The following CNTNAP4 variants were observed in gnomAD, a reference collection of about 807,000 sequenced individuals.
CNTNAP4 encodes the protein contactin associated protein family member 4.
A neutral mutation model predicts 148.4 loss-of-function variants in CNTNAP4; 98 were observed. That is an observed-to-expected ratio of 0.66 (90% CI 0.56 to 0.78). The LOEUF is 0.78. CNTNAP4 is among the 30% of genes least tolerant of loss of function. The pLI, the probability that CNTNAP4 is intolerant of heterozygous loss-of-function variation, is 0.00. For synonymous variants in CNTNAP4, 730 were observed against 565.1 expected (o/e 1.29, Z -4.14); for missense variants, 1,935 against 1,565.6 (o/e 1.24, Z -3.98).
intron 1 of CNTNAP4, among the ~76,000 whole-genome samples, chr16:76,311,726 C>T (rs537952559): frequency 1.1e-4 from 17 of 152,126 alleles, no homozygotes; most frequent in Middle Eastern, 3.4e-3. Context: ...TCAACATACC[C>T]AGCTGCATTT....
chr16:76,364,253 A>C (rs1013187105), intron 3 of CNTNAP4, among the ~76,000 whole-genome samples: 4 of 150,994 alleles, frequency 2.6e-5, no homozygotes, highest in South Asian at 2.1e-4. Context: ...AAAAAAAAAA[A>C]AAAAAACAGA....
intron 2 of CNTNAP4, among the ~76,000 whole-genome samples, chr16:76,329,454 C>A (rs944164296): frequency 2.0e-5 from 3 of 152,164 alleles, no homozygotes; most frequent in Admixed American, 2.0e-4. Context: ...TGTTCCCGTG[C>A]ACTATCTCCT....
At chr16:76,301,059 A>C (rs1959910231) in intron 1 of CNTNAP4, among the ~76,000 whole-genome samples, 1 of 152,076 alleles carries the variant, frequency 6.6e-6, no homozygotes. Flanking sequence ...GGAAATTATA[A>C]CTTACAGACA....
chr16:76,345,824 C>T (rs765764736), intron 2 of CNTNAP4, among the ~76,000 whole-genome samples: 2 of 152,114 alleles, frequency 1.3e-5, no homozygotes, highest in Non-Finnish European at 2.9e-5. Context: ...AAAGTAAATG[C>T]TGTATGAAAA....
intron 3 of CNTNAP4, among the ~76,000 whole-genome samples, chr16:76,399,094 C>T (rs930421516): frequency 6.6e-6 from 1 of 152,168 alleles, no homozygotes; most frequent in Non-Finnish European, 1.5e-5. Flanking sequence ...GCCTTTGCTT[C>T]TCCTTTGCCT....
At chr16:76,293,159 T>A (rs1357814662) in intron 1 of CNTNAP4, among the ~76,000 whole-genome samples, 1 of 151,886 alleles carries the variant, frequency 6.6e-6, no homozygotes, top group Non-Finnish European at 1.5e-5. Flanking sequence ...GGAGCCTCAC[T>A]CTGTTGCCAG....
rs185952063 is a variant in CNTNAP4 at position 76,421,244 on chromosome 16, A to C, written c.391-6208A>C. Among the ~76,000 whole-genome samples the C allele has an allele frequency of 2.9e-3, 442 of 152,176 alleles. 1 individual carries two copies. Among genetic ancestry groups the C allele is most frequent in the Non-Finnish European group, 4.5e-3 (306 of 67,974 alleles). ...ATTAATAATTGTGTTCCTTCAAATA[A>C]ATATTTTAATAATATTCAGTATTTT... is the stretch of plus-strand genomic sequence containing the variant. On this transcript the variant is annotated intron_variant, in intron 3 of 23. Coordinates refer to ENST00000611870, the MANE Select transcript of CNTNAP4 (RefSeq NM_033401.5).
Position 76,489,887 on chromosome 16 carries a change from A to G in CNTNAP4, c.2080+4A>G, listed in dbSNP as rs777165479. The G allele has an allele frequency of 1.3e-6, 2 of 1,536,218 alleles. No homozygotes were observed. Among genetic ancestry groups the G allele is most frequent in the Admixed American group, 1.8e-5 (1 of 54,842 alleles). ...TCACGGCTGGTCAATAAGCAAGGTAAGTAAACCATGGTGTCTGTCTTGTTG... is the reference window on the plus strand; with the variant it reads ...TCACGGCTGGTCAATAAGCAAGGTAGGTAAACCATGGTGTCTGTCTTGTTG... On this transcript the variant is annotated splice_donor_region_variant and intron_variant, in intron 13 of 23. Coordinates refer to ENST00000611870, the MANE Select transcript of CNTNAP4 (RefSeq NM_033401.5).
intron 18 of CNTNAP4, among the ~76,000 whole-genome samples, chr16:76,536,634 T>C (rs1159182065): frequency 6.6e-6 from 1 of 152,196 alleles, no homozygotes; most frequent in Non-Finnish European, 1.5e-5. Context: ...ATTACAAAAA[T>C]AGACACATTT....
chr16:76,518,511 T>C (rs1385780538), intron 15 of CNTNAP4, among the ~76,000 whole-genome samples: 3 of 152,214 alleles, frequency 2.0e-5, no homozygotes, highest in Admixed American at 6.5e-5. Context: ...TTTTTACTTT[T>C]TTATGATTGT....
chr16:76,370,582 AGTCCAC>A (rs2014692349), intron 3 of CNTNAP4, among the ~76,000 whole-genome samples: 1 of 152,218 alleles, frequency 6.6e-6, no homozygotes, highest in South Asian at 2.1e-4. Context: ...CCTGGGACAC[AGTCCAC>A]GTCACTCAGC....
intron 3 of CNTNAP4, among the ~76,000 whole-genome samples, chr16:76,408,627 T>C (rs2078688424): frequency 6.6e-6 from 1 of 152,048 alleles, no homozygotes; most frequent in Admixed American, 6.6e-5. Context: ...TTCCTGAAAT[T>C]TAAGATTCTA....
rs1275650854 is a variant in CNTNAP4, at chr16:76,508,923, T to G, written c.2365+10229T>G. 2.1e-5 allele frequency among the ~76,000 whole-genome samples: 2 copies of G among 94,668 alleles called. 1 individual carries two copies. The allele number at this position is 94,668 out of a possible 152,430, so 62.1% of individuals were successfully genotyped here. ...AACCACCACCACGCCTGGCTAATTT[T>G]TCTAATTTTAGTAGAGACGTGGTTT... On this transcript the variant is annotated intron_variant, in intron 15 of 23. Transcript: ENST00000611870.
At chr16:76,449,654 A>G in intron 6 of CNTNAP4, 61 bp from the exon 7 acceptor site, 1 of 1,386,348 alleles carries the variant, frequency 7.2e-7, no homozygotes. Context: ...TGCTAATCAT[A>G]ATTAAGCAGA....
intron 17 of CNTNAP4, among the ~76,000 whole-genome samples, chr16:76,522,711 C>A (rs1266740370): frequency 8.1e-5 from 2 of 24,648 alleles, no homozygotes; most frequent in African/African-American, 3.8e-4. Flanking sequence ...CTTTTCTTTT[C>A]TTTTCTTTTC....
intron 15 of CNTNAP4, among the ~76,000 whole-genome samples, chr16:76,518,555 T>A (rs558278934): frequency 6.6e-6 from 1 of 152,222 alleles, no homozygotes; most frequent in African/African-American, 2.4e-5. Flanking sequence ...ATAATACTTA[T>A]GCATATTTAT....
intron 4 of CNTNAP4, among the ~76,000 whole-genome samples, chr16:76,447,153 A>T (rs1326206587): frequency 6.6e-6 from 1 of 151,866 alleles, no homozygotes; most frequent in African/African-American, 2.4e-5. Context: ...CATAAAAAAT[A>T]AACAAAATTA....
chr16:76,516,750 C>T (rs1386192868), intron 15 of CNTNAP4, among the ~76,000 whole-genome samples: 1 of 152,146 alleles, frequency 6.6e-6, no homozygotes, highest in African/African-American at 2.4e-5. Flanking sequence ...ATACAGAAAA[C>T]AATATGAGTA....
intron 1 of CNTNAP4, among the ~76,000 whole-genome samples, chr16:76,287,102 T>A (rs1229022897): frequency 6.6e-6 from 1 of 152,210 alleles, no homozygotes. Flanking sequence ...TATCAAAAGA[T>A]GTAAGCTTTT....
Sources: allele counts gnomAD v4.1 joint callset (sites outside exome capture counted in the v4.1 genomes callset), GRCh38; gene constraint gnomAD v4.1.1; transcripts MANE v1.5; gene names NCBI Gene and HGNC (gene_info 2026-07-23, HGNC 2026-07-21).